SERPINI1: variants seen among roughly 807,000 people sequenced by gnomAD.
SERPINI1 encodes the protein neuroserpin.
SERPINI1 carries 19 observed loss-of-function variants against 41.1 expected under a neutral mutation model. That is an observed-to-expected ratio of 0.46 (90% confidence interval 0.32 to 0.68). The LOEUF is 0.68. Ranked by LOEUF, SERPINI1 falls within the 30% of genes least tolerant of loss-of-function variation. The pLI is 0.03. For missense variants in SERPINI1, 460 were observed against 479.2 expected (o/e 0.96, Z 0.37); for synonymous variants, 138 against 156.6 (o/e 0.88, Z 0.89).
At chr3:167,744,853 TTA>T in intron 1 of SERPINI1, among the ~76,000 whole-genome samples, 1 of 113,960 alleles carries the variant, frequency 8.8e-6, no homozygotes, top group East Asian at 2.3e-4. Flanking sequence ...ATAACTATAG[TTA>T]TATATATATA....
chr3:167,743,052 A>C (rs575241729), intron 1 of SERPINI1, among the ~76,000 whole-genome samples: 4 of 152,162 alleles, frequency 2.6e-5, no homozygotes, highest in African/African-American at 9.7e-5. Flanking sequence ...TGATGGTTCT[A>C]TAATAAATCT....
chr3:167,783,428 A>G (rs988238796), intron 1 of SERPINI1, among the ~76,000 whole-genome samples: 3 of 152,236 alleles, frequency 2.0e-5, no homozygotes, highest in African/African-American at 7.2e-5. Flanking sequence ...ACGAATAAAT[A>G]TCCCAAGAAC....
At chr3:167,781,949 G>A (rs1363695973) in intron 1 of SERPINI1, among the ~76,000 whole-genome samples, 3 of 151,884 alleles carry the variant, frequency 2.0e-5, no homozygotes, top group Non-Finnish European at 1.5e-5. Context: ...TTCTAAAGTA[G>A]TATACACATA....
intron 1 of SERPINI1, among the ~76,000 whole-genome samples, chr3:167,736,909 T>C (rs950039682): frequency 1.3e-5 from 2 of 152,174 alleles, no homozygotes; most frequent in Non-Finnish European, 2.9e-5. Flanking sequence ...GTTCCCAGAT[T>C]ACATGGCTTT....
At chr3:167,764,108 G>A (rs567044609) in intron 1 of SERPINI1, among the ~76,000 whole-genome samples, 49 of 151,854 alleles carry the variant, frequency 3.2e-4, no homozygotes, top group African/African-American at 9.2e-4. Context: ...AATTATAATG[G>A]CTAAAAAGTA....
intron 1 of SERPINI1, among the ~76,000 whole-genome samples, chr3:167,744,765 AT>A (rs1725804992): frequency 1.0e-5 from 1 of 97,714 alleles, no homozygotes; most frequent in East Asian, 2.2e-4. Flanking sequence ...TATATATTAA[AT>A]ATATATTATA....
chr3:167,741,921 TA>T (rs11363496), intron 1 of SERPINI1, among the ~76,000 whole-genome samples: 7,455 of 152,144 alleles, frequency 0.049, 602 homozygotes, highest in African/African-American at 0.17. Flanking sequence ...ACGAAACTTT[TA>T]AAAAAATTAT....
At chr3:167,758,917 G>A (rs1469207022) in intron 1 of SERPINI1, among the ~76,000 whole-genome samples, 1 of 152,028 alleles carries the variant, frequency 6.6e-6, no homozygotes, top group Non-Finnish European at 1.5e-5. Flanking sequence ...AATTTAAAAT[G>A]TTTTAAAAAT....
At chr3:167,739,096 AT>A (rs1351659219) in intron 1 of SERPINI1, among the ~76,000 whole-genome samples, 2 of 149,716 alleles carry the variant, frequency 1.3e-5, no homozygotes, top group African/African-American at 4.9e-5. Context: ...TAAGGGAGAG[AT>A]TTTTTTGTTG....
chr3:167,806,823 C>T (rs536194441), intron 5 of SERPINI1, among the ~76,000 whole-genome samples: 5 of 150,838 alleles, frequency 3.3e-5, no homozygotes, highest in Admixed American at 6.6e-5. Flanking sequence ...ATGAAATAAC[C>T]GAGGTAAATG....
At chr3:167,769,084 C>T (rs1244470099) in intron 1 of SERPINI1, among the ~76,000 whole-genome samples, 1 of 152,156 alleles carries the variant, frequency 6.6e-6, no homozygotes, top group Non-Finnish European at 1.5e-5. Flanking sequence ...ACCTCTGCCT[C>T]CCAGGTTCAG....
At chr3:167,792,509 A>G (rs773592880) in intron 3 of SERPINI1, 81 bp from the exon 4 acceptor site, 17 of 1,144,094 alleles carry the variant, frequency 1.5e-5, no homozygotes, top group Non-Finnish European at 2.2e-5. Context: ...ACTCTATCAG[A>G]TGGTGATTTG....
intron 6 of SERPINI1, among the ~76,000 whole-genome samples, chr3:167,822,124 C>T (rs973804362): frequency 5.3e-5 from 8 of 152,186 alleles, no homozygotes; most frequent in Non-Finnish European, 8.8e-5. Flanking sequence ...CACGCTGACA[C>T]GTAGAGTTAA....
chr3:167,744,802 A>AT (rs1725809747), intron 1 of SERPINI1, among the ~76,000 whole-genome samples: 1 of 122,618 alleles, frequency 8.2e-6, no homozygotes, highest in South Asian at 2.3e-4. Context: ...ATATATATAT[A>AT]ATATATAAAT....
At chr3:167,746,441 T>G (rs956308084) in intron 1 of SERPINI1, among the ~76,000 whole-genome samples, 5 of 152,172 alleles carry the variant, frequency 3.3e-5, no homozygotes, top group Non-Finnish European at 5.9e-5. Flanking sequence ...TTAAAACTTT[T>G]GTGTTTCAAA....
intron 6 of SERPINI1, among the ~76,000 whole-genome samples, chr3:167,819,593 AG>A (rs1239514029): frequency 1.3e-5 from 2 of 152,268 alleles, no homozygotes; most frequent in African/African-American, 4.8e-5. Context: ...TCCCATTAAA[AG>A]TATATTCAGA....
Position 167,812,193 on chromosome 3 carries a change from A to G in SERPINI1, c.979+4852A>G, listed in dbSNP as rs141619542. ...TTCCAATCTCTCTCCAATCTAATCT[A>G]TTTTATCTGCCACTGCCAAGATTAA... On this transcript the variant is annotated intron_variant, in intron 6 of 8. Transcript: ENST00000446050. 6.2e-4 allele frequency among the ~76,000 whole-genome samples: 94 copies of G among 152,266 alleles called. 2 individuals carry two copies. In the East Asian group the frequency reaches 0.016, roughly 26 times the overall value.
chr3:167,772,862 C>CTATATATA (rs1439011529), intron 1 of SERPINI1, among the ~76,000 whole-genome samples: 9 of 23,644 alleles, frequency 3.8e-4, no homozygotes, highest in African/African-American at 9.7e-4. Flanking sequence ...CTCTCTCTCT[C>CTATATATA]TCTATATATA....
intron 1 of SERPINI1, among the ~76,000 whole-genome samples, chr3:167,783,454 T>C (rs962186810): frequency 2.6e-5 from 4 of 152,104 alleles, no homozygotes; most frequent in African/African-American, 9.7e-5. Flanking sequence ...CCAATGCATA[T>C]CAGAAATTAA....
Sources: allele counts gnomAD v4.1 joint callset (sites outside exome capture counted in the v4.1 genomes callset), GRCh38; gene constraint gnomAD v4.1.1; transcripts MANE v1.5; gene names NCBI Gene and HGNC (gene_info 2026-07-23, HGNC 2026-07-21).